The following NKAIN2 variants were observed in gnomAD, a reference collection of about 807,000 sequenced individuals.
NKAIN2 encodes the protein sodium/potassium transporting ATPase interacting 2.
NKAIN2 carries 14 observed loss-of-function variants against 32.6 expected under a neutral mutation model. That is an observed-to-expected ratio of 0.43 (90% CI 0.28 to 0.67). The LOEUF (loss-of-function observed/expected upper bound fraction) is 0.67. Ranked by LOEUF, NKAIN2 falls within the 30% of genes least tolerant of loss-of-function variation. The pLI is 0.17. For missense variants in NKAIN2, 198 were observed against 258.3 expected (o/e 0.77, Z 1.60); for synonymous variants, 80 against 87.2 (o/e 0.92, Z 0.46).
At chr6:124,696,545 T>G (rs1322839105) in intron 4 of NKAIN2, among the ~76,000 whole-genome samples, 1 of 152,114 alleles carries the variant, frequency 6.6e-6, no homozygotes, top group African/African-American at 2.4e-5. Context: ...GTTCCTCTTA[T>G]AAGCCTGATA....
chr6:124,069,809 C>T (rs932453679), intron 1 of NKAIN2, among the ~76,000 whole-genome samples: 3 of 152,172 alleles, frequency 2.0e-5, no homozygotes, highest in Non-Finnish European at 4.4e-5. Flanking sequence ...CAGCAGCCAG[C>T]CTGGAGGCAT....
chr6:124,198,193 T>C (rs1790416093), intron 1 of NKAIN2, among the ~76,000 whole-genome samples: 1 of 152,038 alleles, frequency 6.6e-6, no homozygotes, highest in Non-Finnish European at 1.5e-5. Flanking sequence ...AGAGTTTTCT[T>C]AGTATGAATC....
At chr6:124,227,764 G>A (rs775073114) in intron 1 of NKAIN2, among the ~76,000 whole-genome samples, 23 of 152,154 alleles carry the variant, frequency 1.5e-4, no homozygotes, top group Non-Finnish European at 2.9e-4. Flanking sequence ...CTTACAGAAG[G>A]TAATGCCTCA....
chr6:124,575,074 T>C (rs1406153055), intron 3 of NKAIN2, among the ~76,000 whole-genome samples: 2 of 152,194 alleles, frequency 1.3e-5, no homozygotes, highest in African/African-American at 2.4e-5. Context: ...AAATCACCTG[T>C]AGTTAAATCT....
intron 3 of NKAIN2, among the ~76,000 whole-genome samples, chr6:124,545,156 A>G (rs1241739102): frequency 6.6e-6 from 1 of 152,190 alleles, no homozygotes; most frequent in Non-Finnish European, 1.5e-5. Context: ...CTATTCACTA[A>G]GGCACATTTT....
intron 1 of NKAIN2, among the ~76,000 whole-genome samples, chr6:123,839,234 A>G (rs970870474): frequency 1.3e-5 from 2 of 152,184 alleles, no homozygotes; most frequent in Non-Finnish European, 2.9e-5. Flanking sequence ...CTCCAAAAAA[A>G]AAAAAAAAAT....
Position 124,755,405 on chromosome 6 carries a change from G to C in NKAIN2, c.475-35934G>C, listed in dbSNP as rs557598749. ...GTCCATGGACTCAAATGTCAATCTT[G>C]TCTGGCAACACCCTCATAGACATAC... On this transcript the variant is annotated intron_variant, in intron 4 of 6. Coordinates refer to ENST00000368417, the MANE Select transcript of NKAIN2 (RefSeq NM_001040214.3). Among the ~76,000 whole-genome samples, 263 of 152,184 alleles carry C rather than the reference G, an allele frequency of 1.7e-3. 3 individuals carry two copies. The highest frequency in any genetic ancestry group is 5.8e-3 in the African/African-American group (243 of 41,544).
At chr6:124,586,580 C>G (rs1781719088) in intron 3 of NKAIN2, among the ~76,000 whole-genome samples, 1 of 151,396 alleles carries the variant, frequency 6.6e-6, no homozygotes, top group African/African-American at 2.4e-5. Context: ...GCACAGGGGC[C>G]TTCTGAACCT....
chr6:124,740,697 G>A (rs1777165673), intron 4 of NKAIN2, among the ~76,000 whole-genome samples: 1 of 151,852 alleles, frequency 6.6e-6, no homozygotes, highest in Non-Finnish European at 1.5e-5. Flanking sequence ...ATGGCAGTGA[G>A]TTTGCCGTTC....
intron 2 of NKAIN2, among the ~76,000 whole-genome samples, chr6:124,320,763 A>G (rs982431247): frequency 1.1e-4 from 16 of 152,354 alleles, no homozygotes; most frequent in African/African-American, 3.8e-4. Context: ...GAATACCTTG[A>G]AGTATAATGA....
chr6:123,966,604 C>A (rs1282335227), intron 1 of NKAIN2, among the ~76,000 whole-genome samples: 1 of 152,120 alleles, frequency 6.6e-6, no homozygotes, highest in Non-Finnish European at 1.5e-5. Context: ...AAAGAGCTTA[C>A]AAATGGATTT....
intron 1 of NKAIN2, among the ~76,000 whole-genome samples, chr6:124,148,204 T>C (rs1787517072): frequency 3.9e-5 from 6 of 152,188 alleles, no homozygotes; most frequent in Admixed American, 3.9e-4. Flanking sequence ...ATTAGAGAGT[T>C]TGCACTTTTG....
chr6:124,815,676 G>A (rs1218981102), intron 5 of NKAIN2, among the ~76,000 whole-genome samples: 1 of 144,030 alleles, frequency 6.9e-6, no homozygotes, highest in Non-Finnish European at 1.6e-5. Flanking sequence ...AGACAAAAGA[G>A]GCAATGTAGA....
At chr6:124,135,441 C>T (rs772167582) in intron 1 of NKAIN2, among the ~76,000 whole-genome samples, 7 of 147,376 alleles carry the variant, frequency 4.7e-5, no homozygotes, top group East Asian at 4.1e-4. Flanking sequence ...AGATATTCCA[C>T]GCAAATGAAA....
chr6:124,601,211 G>C (rs1782293862), intron 3 of NKAIN2, among the ~76,000 whole-genome samples: 1 of 152,050 alleles, frequency 6.6e-6, no homozygotes, highest in South Asian at 2.1e-4. Context: ...AAGGTTACAA[G>C]TATGTTAGCT....
In NKAIN2 at chr6:124,719,240, G is replaced by A. The variant is rs1366679125; in HGVS notation, c.474+60854G>A. Among the ~76,000 whole-genome samples the A allele has an allele frequency of 6.6e-5, 10 of 152,134 alleles. 1 individual carries two copies. The South Asian group carries it at 2.1e-3, about 32-fold the overall frequency. ...ATCCCAACCTATTCCATAAAATTGG[G>A]ATTTACTGTAGTCAAGTGCTGACAC... On this transcript the variant is annotated intron_variant, in intron 4 of 6. Coordinates refer to ENST00000368417, the MANE Select transcript of NKAIN2 (RefSeq NM_001040214.3).
intron 3 of NKAIN2, among the ~76,000 whole-genome samples, chr6:124,396,759 G>A (rs996730741): frequency 2.0e-5 from 3 of 152,070 alleles, no homozygotes; most frequent in African/African-American, 7.2e-5. Flanking sequence ...AGGTGTATGA[G>A]GCATCAAAGA....
At chr6:124,463,031 T>G (rs577214422) in intron 3 of NKAIN2, among the ~76,000 whole-genome samples, 5 of 151,786 alleles carry the variant, frequency 3.3e-5, no homozygotes, top group Non-Finnish European at 7.4e-5. Context: ...GCCAACAGAG[T>G]GATGATTCCC....
chr6:124,646,393 AAAGAT>A (rs1784169095), intron 3 of NKAIN2, among the ~76,000 whole-genome samples: 1 of 152,310 alleles, frequency 6.6e-6, no homozygotes, highest in African/African-American at 2.4e-5. Flanking sequence ...GTGGGAAAGA[AAAGAT>A]AAGAAGGTGA....
Sources: gnomAD v4.1 joint callset for allele counts (sites outside exome capture counted in the v4.1 genomes callset) on GRCh38, gnomAD v4.1.1 for gene constraint, MANE v1.5 for transcripts, NCBI Gene and HGNC (gene_info 2026-07-23, HGNC 2026-07-21) for gene names.